The following SCAPER variants were observed in gnomAD, a reference collection of about 807,000 sequenced individuals.
SCAPER encodes the protein S-phase cyclin A associated protein in the ER.
Under a neutral mutation model 182.2 loss-of-function variants are expected in SCAPER, and 98 were observed. The observed-to-expected ratio is 0.54, with a 90% CI of 0.46 to 0.64. The LOEUF (loss-of-function observed/expected upper bound fraction) is 0.64, where lower values mean the gene tolerates loss of function less well. Among genes scored for constraint, SCAPER ranks in the 30% least tolerant of loss-of-function variants. The pLI, the probability that SCAPER is intolerant of heterozygous loss-of-function variation, is 0.00. For synonymous variants in SCAPER, 605 were observed against 564.6 expected, an observed-to-expected ratio of 1.07 and a Z score of -1.01; for missense variants, 1,432 against 1,690.0, an observed-to-expected ratio of 0.85 and a Z score of 2.68.
At chr15:76,402,238 G>A (rs548945922) in intron 27 of SCAPER, among the ~76,000 whole-genome samples, 1 of 152,284 alleles carries the variant, frequency 6.6e-6, no homozygotes, top group South Asian at 2.1e-4. Context: ...GAACATTAGG[G>A]AAGTGGGGGT....
chr15:76,640,629 A>C (rs1011574997), intron 21 of SCAPER, among the ~76,000 whole-genome samples: 1 of 152,200 alleles, frequency 6.6e-6, no homozygotes, highest in Non-Finnish European at 1.5e-5. Flanking sequence ...TCCATATGTA[A>C]AATTGGAAAA....
chr15:76,830,487 C>A (rs2068370477), intron 5 of SCAPER, among the ~76,000 whole-genome samples: 1 of 151,892 alleles, frequency 6.6e-6, no homozygotes, highest in South Asian at 2.1e-4. Context: ...AGGATGGTAG[C>A]AGTAGAGTGA....
chr15:76,754,245 TA>T (rs1203481801), intron 14 of SCAPER, among the ~76,000 whole-genome samples: 1 of 152,068 alleles, frequency 6.6e-6, no homozygotes, highest in Non-Finnish European at 1.5e-5. Flanking sequence ...TGAAGGTTCA[TA>T]AAACTCTCAG....
chr15:76,716,365 A>T (rs1016670034), intron 17 of SCAPER, among the ~76,000 whole-genome samples: 15 of 152,158 alleles, frequency 9.9e-5, no homozygotes, highest in Non-Finnish European at 1.9e-4. Flanking sequence ...GCACTATCAG[A>T]TGTACAAACA....
chr15:76,573,618 T>C (rs2145367636), intron 23 of SCAPER, among the ~76,000 whole-genome samples: 1 of 152,270 alleles, frequency 6.6e-6, no homozygotes, highest in East Asian at 1.9e-4. Flanking sequence ...TAAAATGTTA[T>C]CAGTTGCTAT....
Position 76,871,572 on chromosome 15 carries a change from C to CTT in SCAPER, c.7-9041_7-9040dup, listed in dbSNP as rs1178328861. 1.0e-3 allele frequency among the ~76,000 whole-genome samples: 127 copies of CTT among 123,170 alleles called. 1 individual carries two copies. The highest frequency in any genetic ancestry group is 1.7e-3 in the Admixed American group (20 of 12,002). 80.8% of individuals were successfully genotyped at this position (123,170 alleles called of 152,430 possible). Reference sequence around the variant, plus strand: ...GGCTGGCGTTATCTGTTACAATTTGCTTTTTTTTTTTTTTTTTTTAGATGG... The same window carrying CTT: ...GGCTGGCGTTATCTGTTACAATTTGCTTTTTTTTTTTTTTTTTTTTTAGATGG... On this transcript the variant is annotated intron_variant, in intron 2 of 31. Transcript: ENST00000563290.
intron 24 of SCAPER, among the ~76,000 whole-genome samples, chr15:76,499,346 G>T (rs1010342851): frequency 3.3e-5 from 5 of 152,134 alleles, no homozygotes; most frequent in Non-Finnish European, 7.4e-5. Context: ...CAAATGCTCT[G>T]ATTGTTAAAT....
intron 5 of SCAPER, among the ~76,000 whole-genome samples, chr15:76,820,731 A>G (rs1415252521): frequency 2.6e-5 from 4 of 152,128 alleles, no homozygotes; most frequent in Admixed American, 2.0e-4. Context: ...CTAAAACTTA[A>G]AGTATAATAA....
chr15:76,559,361 C>T (rs772362832), intron 23 of SCAPER, among the ~76,000 whole-genome samples: 67 of 151,932 alleles, frequency 4.4e-4, no homozygotes, highest in Non-Finnish European at 7.4e-4. Flanking sequence ...CGGCCGAGAT[C>T]TGATGGTTTT....
chr15:76,487,918 T>C (rs1039046579), intron 24 of SCAPER, among the ~76,000 whole-genome samples: 28 of 152,138 alleles, frequency 1.8e-4, no homozygotes, highest in African/African-American at 6.0e-4. Context: ...TTTAATTTGA[T>C]GGGAAATGAT....
intron 25 of SCAPER, among the ~76,000 whole-genome samples, chr15:76,464,867 C>G (rs966202113): frequency 6.6e-6 from 1 of 152,050 alleles, no homozygotes; most frequent in Non-Finnish European, 1.5e-5. Context: ...CACAACATTT[C>G]CAATTTCACC....
intron 17 of SCAPER, among the ~76,000 whole-genome samples, chr15:76,723,721 G>C (rs1160939527): frequency 2.0e-5 from 3 of 152,140 alleles, no homozygotes; most frequent in African/African-American, 4.8e-5. Context: ...TTTAAAGTCT[G>C]TTTTATCAGA....
chr15:76,890,042 C>T (rs1194370119), intron 1 of SCAPER, among the ~76,000 whole-genome samples: 1 of 152,184 alleles, frequency 6.6e-6, no homozygotes. Context: ...TACATGGAAA[C>T]TGAACAACCT....
intron 5 of SCAPER, among the ~76,000 whole-genome samples, chr15:76,827,700 G>C (rs1382304712): frequency 6.6e-6 from 1 of 152,040 alleles, no homozygotes; most frequent in Non-Finnish European, 1.5e-5. Context: ...GAATGGATAG[G>C]AACTTTGTAG....
chr15:76,895,514 A>AT (rs1009467832), intron 1 of SCAPER, among the ~76,000 whole-genome samples: 28 of 151,422 alleles, frequency 1.8e-4, no homozygotes, highest in African/African-American at 6.8e-4. Flanking sequence ...CTAAGAAAAA[A>AT]AATAATAAAA....
intron 19 of SCAPER, 120 bp downstream of exon 19, chr15:76,702,730 T>G: frequency 1.7e-6 from 2 of 1,156,348 alleles, no homozygotes; most frequent in Non-Finnish European, 2.4e-6. Flanking sequence ...ATTACAGGTG[T>G]GAGCTGCCAC....
chr15:76,725,417 TA>T (rs34802988), intron 17 of SCAPER, among the ~76,000 whole-genome samples: 64 of 144,914 alleles, frequency 4.4e-4, no homozygotes, highest in African/African-American at 5.1e-4. Context: ...GTGTATACAT[TA>T]AAAAAAAAAA....
intron 22 of SCAPER, among the ~76,000 whole-genome samples, chr15:76,610,007 C>T (rs183571956): frequency 1.3e-5 from 2 of 152,178 alleles, no homozygotes; most frequent in East Asian, 3.9e-4. Flanking sequence ...TTTTTTCTTT[C>T]CTGAGGGCAG....
chr15:76,609,509 A>C (rs753981112), intron 22 of SCAPER, among the ~76,000 whole-genome samples: 6 of 152,196 alleles, frequency 3.9e-5, no homozygotes, highest in Non-Finnish European at 8.8e-5. Flanking sequence ...TTAAAAAAAA[A>C]ATTATCTCCC....
Sources: allele counts gnomAD v4.1 joint callset (sites outside exome capture counted in the v4.1 genomes callset), GRCh38; gene constraint gnomAD v4.1.1; transcripts MANE v1.5; gene names NCBI Gene and HGNC (gene_info 2026-07-23, HGNC 2026-07-21).